The following PRR16 variants were observed in gnomAD, a reference collection of about 807,000 sequenced individuals.
PRR16 encodes the protein proline rich 16, also known as protein Largen.
PRR16 carries 6 observed loss-of-function variants against 18.2 expected under a neutral mutation model. That is an observed-to-expected ratio of 0.33 (90% CI 0.18 to 0.65). The LOEUF (loss-of-function observed/expected upper bound fraction) is 0.65, where lower values mean the gene tolerates loss of function less well. Among genes scored for constraint, PRR16 ranks in the 30% least tolerant of loss-of-function variants. PRR16 has a pLI of 0.74. For synonymous variants in PRR16, 151 were observed against 147.8 expected (o/e 1.02, Z -0.16); for missense variants, 412 against 376.6 (o/e 1.09, Z -0.78).
chr5:120,686,754 A>G lies in PRR16; in HGVS notation c.*45A>G, dbSNP rs1434563733. 1 of 1,326,414 alleles carries G rather than the reference A, an allele frequency of 7.5e-7. No individual in the cohort carries two copies. Among genetic ancestry groups the G allele is most frequent in the Non-Finnish European group, 9.9e-7 (1 of 1,013,178 alleles). The allele number at this position is 1,326,414 out of a possible 1,614,324, so 82.2% of individuals were successfully genotyped here. On this transcript the variant is annotated 3_prime_UTR_variant, in exon 2 of 2. Transcript: ENST00000407149. ...TGTTTTTTTAATTTTCTATATTATA[A>G]ACATAAAATAAGTAATGAGCACTTT... is the stretch of plus-strand genomic sequence containing the variant.
At chr5:120,532,255 A>C (rs968940224) in intron 1 of PRR16, among the ~76,000 whole-genome samples, 28 of 152,066 alleles carry the variant, frequency 1.8e-4, no homozygotes, top group African/African-American at 6.8e-4. Flanking sequence ...TGTTTGGAAA[A>C]ATTTTCTGTA....
the PRR16 span, among the ~76,000 whole-genome samples, chr5:120,738,141 T>C: frequency 1.3e-5 from 2 of 152,092 alleles, no homozygotes; most frequent in Non-Finnish European, 2.9e-5. Context: ...GAAAAGCCTG[T>C]CCATATAGGA....
At chr5:120,682,241 A>G (rs769722604) in intron 1 of PRR16, among the ~76,000 whole-genome samples, 37 of 152,140 alleles carry the variant, frequency 2.4e-4, no homozygotes, top group Non-Finnish European at 4.4e-4. Flanking sequence ...TCTGCCAGTA[A>G]GCTCCAACTC....
chr5:120,547,248 A>G (rs749239393), intron 1 of PRR16, among the ~76,000 whole-genome samples: 1 of 152,126 alleles, frequency 6.6e-6, no homozygotes, highest in Non-Finnish European at 1.5e-5. Context: ...TCCTACCTCA[A>G]GCAGGCCTTG....
rs182673805 is a variant in PRR16 at position 120,681,884 on chromosome 5, T to C, written c.160-4070T>C. On this transcript the variant is annotated intron_variant, in intron 1 of 1. Coordinates refer to ENST00000407149, the MANE Select transcript of PRR16 (RefSeq NM_001300783.2). ...GGTTGTAAAACTTTTATCATTGCTT[T>C]TCAGTGTTTTCTGGTTTCACTATGG... 1.7e-3 allele frequency among the ~76,000 whole-genome samples: 262 copies of C among 152,320 alleles called. 2 individuals carry two copies. The highest frequency in any genetic ancestry group is 2.0e-3 in the Non-Finnish European group (137 of 68,016).
At chr5:120,571,468 T>C (rs542534685) in intron 1 of PRR16, among the ~76,000 whole-genome samples, 1 of 152,266 alleles carries the variant, frequency 6.6e-6, no homozygotes, top group African/African-American at 2.4e-5. Context: ...GTTCAGATCA[T>C]GTAGGGCTAT....
intron 1 of PRR16, among the ~76,000 whole-genome samples, chr5:120,468,869 T>A (rs1012570789): frequency 1.3e-5 from 2 of 152,232 alleles, no homozygotes; most frequent in African/African-American, 4.8e-5. Context: ...GTAACAAGGC[T>A]ACTATATGAG....
chr5:120,560,918 T>C (rs1752554142), intron 1 of PRR16, among the ~76,000 whole-genome samples: 1 of 152,092 alleles, frequency 6.6e-6, no homozygotes, highest in Non-Finnish European at 1.5e-5. Context: ...TGGCATATAG[T>C]TGTACATAGT....
chr5:120,764,516 A>G, the PRR16 span, among the ~76,000 whole-genome samples: 516 of 151,788 alleles, frequency 3.4e-3, no homozygotes, highest in Non-Finnish European at 5.7e-3. Flanking sequence ...CTGTAGTTTT[A>G]TCGCTGTGTG....
chr5:120,681,044 C>G (rs1445780544), intron 1 of PRR16, among the ~76,000 whole-genome samples: 1 of 152,090 alleles, frequency 6.6e-6, no homozygotes, highest in Non-Finnish European at 1.5e-5. Flanking sequence ...CTGATAATAT[C>G]TTATTTCTAT....
intron 1 of PRR16, among the ~76,000 whole-genome samples, chr5:120,602,616 T>A (rs895201938): frequency 6.6e-6 from 1 of 152,038 alleles, no homozygotes; most frequent in Admixed American, 6.6e-5. Context: ...ATAGGAGTGA[T>A]GAGAGTGGCA....
chr5:120,510,612 A>G (rs993712496), intron 1 of PRR16, among the ~76,000 whole-genome samples: 4 of 152,178 alleles, frequency 2.6e-5, no homozygotes, highest in African/African-American at 9.6e-5. Flanking sequence ...CAGCCTACAT[A>G]TAGCAAATGA....
At chr5:120,570,146 T>G (rs1752860589) in intron 1 of PRR16, among the ~76,000 whole-genome samples, 1 of 152,042 alleles carries the variant, frequency 6.6e-6, no homozygotes, top group Admixed American at 6.6e-5. Context: ...GTTGATAAAT[T>G]ACATAGAAGA....
At chr5:120,772,810 T>C in the PRR16 span, among the ~76,000 whole-genome samples, 2 of 152,250 alleles carry the variant, frequency 1.3e-5, no homozygotes, top group African/African-American at 4.8e-5. Flanking sequence ...ATATTTGTTT[T>C]AATAGCATAA....
Position 120,686,190 on chromosome 5 carries a change from G to A in PRR16, c.396G>A (p.Val132=), listed in dbSNP as rs150476989. The A allele has an allele frequency of 1.4e-4, 234 of 1,614,160 alleles. 7 individuals are homozygous for A. In the South Asian group the frequency reaches 2.3e-3, roughly 16 times the overall value. The stretch of plus-strand genomic sequence containing the variant: ...CACCTCCTCCAAGGTTGACACCTGT[G>A]AAGTGTGAAGACCCCAAAAGGGTGG... ...PPPPPPRLTP[V]KCEDPKRVVP... The change falls in exon 2 of 2, where the codon GTG becomes GTA. Residue 132 remains valine, a synonymous_variant. Transcript: ENST00000407149.
intron 1 of PRR16, among the ~76,000 whole-genome samples, chr5:120,508,536 G>T (rs1750719383): frequency 6.6e-6 from 1 of 152,090 alleles, no homozygotes. Flanking sequence ...GGAAGCCTCA[G>T]TTGCTTTAGA....
chr5:120,726,460 T>C, the PRR16 span, among the ~76,000 whole-genome samples: 3 of 152,024 alleles, frequency 2.0e-5, no homozygotes, highest in Non-Finnish European at 2.9e-5. Flanking sequence ...AATACAGATA[T>C]TTAAGAATCA....
the PRR16 span, among the ~76,000 whole-genome samples, chr5:120,762,431 T>C: frequency 3.9e-4 from 59 of 152,196 alleles, no homozygotes; most frequent in African/African-American, 1.4e-3. Context: ...ATTGTGATTG[T>C]TGTAGTTTTG....
chr5:120,694,990 T>A, the PRR16 span, among the ~76,000 whole-genome samples: 1 of 152,232 alleles, frequency 6.6e-6, no homozygotes, highest in Admixed American at 6.5e-5. Flanking sequence ...TATATTTGAA[T>A]ACATATTTCA....
Sources: gnomAD v4.1 joint callset for allele counts (sites outside exome capture counted in the v4.1 genomes callset) on GRCh38, gnomAD v4.1.1 for gene constraint, MANE v1.5 for transcripts, NCBI Gene and HGNC (gene_info 2026-07-23, HGNC 2026-07-21) for gene names.